TECRL: variants seen among roughly 807,000 people sequenced by gnomAD.
TECRL encodes trans-2,3-enoyl-CoA reductase-like.
In TECRL, 63 loss-of-function variants were observed where a neutral mutation model predicts 52.8. The ratio of observed to expected loss-of-function variants is 1.19; its 90% confidence interval spans 0.97 to 1.47. TECRL has a LOEUF of 1.47. TECRL is among the 40% of genes most tolerant of loss of function. TECRL has a pLI of 0.00. For missense variants in TECRL, 482 were observed against 429.6 expected, an observed-to-expected ratio of 1.12 and a Z score of -1.08; for synonymous variants, 164 against 141.9, an observed-to-expected ratio of 1.16 and a Z score of -1.10.
chr4:64,294,901 C>G (rs1260955245), intron 8 of TECRL, among the ~76,000 whole-genome samples: 5 of 151,948 alleles, frequency 3.3e-5, no homozygotes, highest in Non-Finnish European at 7.4e-5. Context: ...TGATCTTGGA[C>G]AATTTAATTT....
At chr4:64,324,211 A>C (rs1334415111) in intron 3 of TECRL, among the ~76,000 whole-genome samples, 2 of 152,114 alleles carry the variant, frequency 1.3e-5, no homozygotes, top group Non-Finnish European at 2.9e-5. Context: ...AAGATATGTA[A>C]AAAAATATCT....
chr4:64,409,178 A>G lies in TECRL; in HGVS notation c.174T>C (p.Thr58=). The part of the protein sequence containing the change: ...PTPAVKHSKT[T]HFEIEIFDAQ... ...CATCAAATATTTCAATCTCAAAGTGAGTCGTTTTTGAATGTTTGACTGCTG... is the reference window on the plus strand; with the variant it reads ...CATCAAATATTTCAATCTCAAAGTGGGTCGTTTTTGAATGTTTGACTGCTG... Residue 58 remains threonine (T), a synonymous_variant, in exon 1 of 12, where the codon ACT becomes ACC. Transcript: ENST00000381210. The G allele has an allele frequency of 1.2e-6, 2 of 1,613,754 alleles. No homozygotes were observed. Among genetic ancestry groups the G allele is most frequent in the Non-Finnish European group, 1.7e-6 (2 of 1,179,840 alleles).
intron 2 of TECRL, among the ~76,000 whole-genome samples, chr4:64,334,030 C>CAAAAAAAAAAAAAAAAAAAAAAA (rs4034910): frequency 2.5e-4 from 7 of 28,034 alleles, no homozygotes; most frequent in Non-Finnish European, 6.0e-4. Context: ...GACTCCGTCT[C>CAAAAAAAAAAAAAAAAAAAAAAA]AAAAAAAAAA....
In TECRL at chr4:64,284,970, T is replaced by A. The variant is rs111786461; in HGVS notation, c.833-3411A>T. 8.5e-3 allele frequency among the ~76,000 whole-genome samples: 1,296 copies of A among 152,154 alleles called. 16 individuals are homozygous for A. Among genetic ancestry groups the A allele is most frequent in the African/African-American group, 0.029 (1,216 of 41,524 alleles). ...ACATGATAATGATTTCAGTGATCTT[T>A]ACTAAAAGGACTTCATTGATTCAGG... On this transcript the variant is annotated intron_variant, in intron 9 of 11. Transcript: ENST00000381210.
intron 3 of TECRL, among the ~76,000 whole-genome samples, chr4:64,324,738 C>T (rs1718135251): frequency 6.6e-6 from 1 of 151,882 alleles, no homozygotes; most frequent in Non-Finnish European, 1.5e-5. Context: ...TTAGAAATTT[C>T]ATGTAAATTG....
chr4:64,300,628 T>C (rs1034257870), intron 7 of TECRL, among the ~76,000 whole-genome samples: 1 of 151,080 alleles, frequency 6.6e-6, no homozygotes, highest in African/African-American at 2.4e-5. Context: ...ATAATAAAAA[T>C]AGAATTATTT....
intron 4 of TECRL, among the ~76,000 whole-genome samples, chr4:64,319,565 G>C (rs988749448): frequency 5.3e-5 from 8 of 151,788 alleles, no homozygotes; most frequent in African/African-American, 1.9e-4. Context: ...ACAAGGACTC[G>C]TATCTACATT....
chr4:64,356,660 A>G (rs1214471849), intron 2 of TECRL, among the ~76,000 whole-genome samples: 1 of 152,142 alleles, frequency 6.6e-6, no homozygotes, highest in Non-Finnish European at 1.5e-5. Context: ...CTCCTACCGC[A>G]TTCCTCTTGC....
intron 8 of TECRL, among the ~76,000 whole-genome samples, chr4:64,297,452 C>T (rs1012924125): frequency 9.3e-5 from 14 of 150,946 alleles, no homozygotes; most frequent in Non-Finnish European, 1.6e-4. Context: ...AAAAAAATAG[C>T]ATTTACAATT....
intron 1 of TECRL, among the ~76,000 whole-genome samples, chr4:64,407,013 CA>C (rs60278070): frequency 0.93 from 138,695 of 149,220 alleles, 64,530 homozygotes; most frequent in East Asian, 1. Flanking sequence ...AATTACTAAG[CA>C]AAAAAAAAAA....
rs1481981617 is a variant in TECRL at position 64,303,148 on chromosome 4, G to A, written c.730+2018C>T. Among the ~76,000 whole-genome samples, 5 of 151,230 alleles carry A rather than the reference G, an allele frequency of 3.3e-5. No individual in the cohort carries two copies. In the East Asian group the frequency reaches 9.7e-4, roughly 29 times the overall value. ...TTAATTATAATCAAAGTTTTGAAATGGGAAAATATTCTATTAAAGACTTAG... is the reference window on the plus strand; with the variant it reads ...TTAATTATAATCAAAGTTTTGAAATAGGAAAATATTCTATTAAAGACTTAG... On this transcript the variant is annotated intron_variant, in intron 7 of 11. Transcript: ENST00000381210.
Position 64,280,206 on chromosome 4 carries a change from G to A in TECRL, c.965-7C>T, listed in dbSNP as rs1430268037. 2 of 1,474,950 alleles carry A rather than the reference G, an allele frequency of 1.4e-6. No homozygotes were observed. The highest frequency in any genetic ancestry group is 1.8e-6 in the Non-Finnish European group (2 of 1,107,598). 91.4% of individuals were successfully genotyped at this position (1,474,950 alleles called of 1,614,324 possible). ...AGAAGTGTAAAAATTCCAACTAGAA[G>A]AAAAAAGAAATAATTATTATTTCTT... is the stretch of plus-strand genomic sequence containing the variant. On this transcript the variant is annotated splice_region_variant and splice_polypyrimidine_tract_variant and intron_variant, in intron 11 of 11. Transcript: ENST00000381210.
chr4:64,380,254 C>A (rs1722692532), intron 1 of TECRL, among the ~76,000 whole-genome samples: 1 of 151,850 alleles, frequency 6.6e-6, no homozygotes, highest in Non-Finnish European at 1.5e-5. Context: ...GATTTGTTTG[C>A]TTGTTTTTAT....
At chr4:64,354,254 T>C (rs944282424) in intron 2 of TECRL, among the ~76,000 whole-genome samples, 18 of 152,020 alleles carry the variant, frequency 1.2e-4, no homozygotes, top group African/African-American at 4.1e-4. Context: ...TTTGAAGTTG[T>C]AGAAAAAACA....
intron 1 of TECRL, among the ~76,000 whole-genome samples, chr4:64,402,044 A>G (rs529384973): frequency 6.6e-6 from 1 of 152,242 alleles, no homozygotes; most frequent in South Asian, 2.1e-4. Context: ...TGTACAAAAC[A>G]AACATTTCAG....
At chr4:64,340,392 G>C (rs1012768760) in intron 2 of TECRL, among the ~76,000 whole-genome samples, 1 of 152,226 alleles carries the variant, frequency 6.6e-6, no homozygotes, top group Non-Finnish European at 1.5e-5. Flanking sequence ...TGCCTTCACA[G>C]GGTTGAAAGT....
intron 2 of TECRL, among the ~76,000 whole-genome samples, chr4:64,338,827 T>G (rs527691267): frequency 1.3e-5 from 2 of 152,310 alleles, no homozygotes; most frequent in South Asian, 4.1e-4. Context: ...ACTTTTACAC[T>G]GTTGGTAGGA....
intron 1 of TECRL, among the ~76,000 whole-genome samples, chr4:64,377,985 T>C (rs1030880832): frequency 6.6e-6 from 1 of 152,072 alleles, no homozygotes; most frequent in Non-Finnish European, 1.5e-5. Context: ...GTTTTTGTAG[T>C]ATAAAAACCT....
In TECRL at chr4:64,384,874, G is replaced by A. The variant is rs908602029; in HGVS notation, c.235-9651C>T. Among the ~76,000 whole-genome samples, 3 of 152,176 alleles carry A rather than the reference G, an allele frequency of 2.0e-5. No individual in the cohort carries two copies. In the East Asian group the frequency reaches 5.8e-4, roughly 29 times the overall value. On this transcript the variant is annotated intron_variant, in intron 1 of 11. Transcript: ENST00000381210. ...ACTGGAAAAGGTGGTCCCAGCTTGGGTGGGCCTGTCTTCAGTTCTCCCCAA... is the reference window on the plus strand; with the variant it reads ...ACTGGAAAAGGTGGTCCCAGCTTGGATGGGCCTGTCTTCAGTTCTCCCCAA...
Sources: allele counts gnomAD v4.1 joint callset (sites outside exome capture counted in the v4.1 genomes callset), GRCh38; gene constraint gnomAD v4.1.1; transcripts MANE v1.5; gene names NCBI Gene and HGNC (gene_info 2026-07-23, HGNC 2026-07-21).